PDE4B: variants seen among roughly 807,000 people sequenced by gnomAD.
The protein encoded by PDE4B is phosphodiesterase 4B, also known as 3',5'-cyclic-AMP phosphodiesterase 4B.
PDE4B carries 20 observed loss-of-function variants against 82.2 expected under a neutral mutation model. The ratio of observed to expected loss-of-function variants is 0.24; its 90% CI spans 0.17 to 0.35. PDE4B has a LOEUF of 0.35. Among genes scored for constraint, PDE4B ranks in the 10% least tolerant of loss-of-function variants. The probability of loss-of-function intolerance (pLI) is 1.00; values close to 1 mark genes in which losing one functional copy is unlikely to be tolerated. For synonymous variants in PDE4B, 320 were observed against 318.9 expected, an observed-to-expected ratio of 1.00 and a Z score of -0.04; for missense variants, 655 against 907.2, an observed-to-expected ratio of 0.72 and a Z score of 3.57.
chr1:65,923,468 C>T (rs1370941484), intron 3 of PDE4B, among the ~76,000 whole-genome samples: 1 of 152,038 alleles, frequency 6.6e-6, no homozygotes, highest in African/African-American at 2.4e-5. Flanking sequence ...TATATCTTAC[C>T]ACACAATACA....
intron 3 of PDE4B, among the ~76,000 whole-genome samples, chr1:66,141,989 C>T (rs896397130): frequency 6.6e-6 from 1 of 152,052 alleles, no homozygotes; most frequent in Non-Finnish European, 1.5e-5. Context: ...TCAGAAGCCT[C>T]GCAGGTAACA....
At chr1:66,015,482 G>A (rs1233643436) in intron 3 of PDE4B, among the ~76,000 whole-genome samples, 1 of 152,064 alleles carries the variant, frequency 6.6e-6, no homozygotes, top group Non-Finnish European at 1.5e-5. Flanking sequence ...TTTTATATTG[G>A]GTGTTTATGG....
At chr1:66,007,914 C>T (rs545497762) in intron 3 of PDE4B, among the ~76,000 whole-genome samples, 6 of 152,098 alleles carry the variant, frequency 3.9e-5, no homozygotes, top group Non-Finnish European at 8.8e-5. Context: ...AGATTTAGTA[C>T]ATGTGTTCTG....
intron 1 of PDE4B, among the ~76,000 whole-genome samples, chr1:65,865,328 G>A (rs971565891): frequency 6.6e-6 from 1 of 151,488 alleles, no homozygotes; most frequent in Non-Finnish European, 1.5e-5. Context: ...GTGGGAGTGG[G>A]ACCCGCTGAG....
At chr1:65,944,451 A>ATCAGTT (rs1648601428) in intron 3 of PDE4B, among the ~76,000 whole-genome samples, 1 of 151,918 alleles carries the variant, frequency 6.6e-6, no homozygotes, top group Admixed American at 6.6e-5. Context: ...TGGCTTTGGT[A>ATCAGTT]TCAGTTTAAT....
chr1:65,836,532 C>T (rs1050441632), intron 1 of PDE4B, among the ~76,000 whole-genome samples: 7 of 152,138 alleles, frequency 4.6e-5, no homozygotes, highest in African/African-American at 1.7e-4. Context: ...AGTGGCTGAA[C>T]CAGGTAAACA....
chr1:65,895,296 T>C (rs1423153792), intron 1 of PDE4B, among the ~76,000 whole-genome samples: 1 of 152,082 alleles, frequency 6.6e-6, no homozygotes, highest in African/African-American at 2.4e-5. Context: ...ACACCTGTAA[T>C]ACCAGCACTT....
intron 3 of PDE4B, among the ~76,000 whole-genome samples, chr1:65,973,633 G>T (rs565725670): frequency 6.6e-6 from 1 of 152,270 alleles, no homozygotes; most frequent in African/African-American, 2.4e-5. Flanking sequence ...AAGACTGCAG[G>T]AAGGTATTGT....
intron 7 of PDE4B, among the ~76,000 whole-genome samples, chr1:66,325,729 ACT>A (rs1315322557): frequency 2.0e-5 from 3 of 152,108 alleles, no homozygotes; most frequent in Non-Finnish European, 2.9e-5. Flanking sequence ...CCAAATCAAA[ACT>A]CTGTCAATGA....
At position 66,368,702 on chromosome 1, in the gene PDE4B, C is replaced by A. The variant is rs72928234; in HGVS notation, c.1663-85C>A. 8.3e-3 allele frequency: 8,536 copies of A among 1,033,344 alleles called. 454 individuals are homozygous for A. In the African/African-American group the frequency reaches 0.12, roughly 15 times the overall value. The allele number at this position is 1,033,344 out of a possible 1,614,324, so 64.0% of individuals were successfully genotyped here. On this transcript the variant is annotated intron_variant, in intron 15 of 16. Coordinates refer to ENST00000341517, the MANE Select transcript of PDE4B (RefSeq NM_002600.4). The stretch of plus-strand genomic sequence containing the variant: ...ACTAAAATGTTCTCGGGTTTAGTAC[C>A]AAGCGTACTAGTATGAGAGGCATGA...
chr1:66,219,175 T>C (rs993063233), intron 3 of PDE4B, among the ~76,000 whole-genome samples: 2 of 152,110 alleles, frequency 1.3e-5, no homozygotes, highest in African/African-American at 4.8e-5. Flanking sequence ...ATTTTTCTAA[T>C]ATGATTTCTC....
chr1:66,168,788 T>G (rs1298939506), intron 3 of PDE4B, among the ~76,000 whole-genome samples: 3 of 152,202 alleles, frequency 2.0e-5, no homozygotes, highest in Non-Finnish European at 4.4e-5. Flanking sequence ...GGAAGTCCAG[T>G]TAGAAACTGT....
chr1:66,147,270 T>G (rs1646294391), intron 3 of PDE4B, among the ~76,000 whole-genome samples: 1 of 152,216 alleles, frequency 6.6e-6, no homozygotes, highest in Non-Finnish European at 1.5e-5. Context: ...TTTCCTAAGT[T>G]AATTCTTAAT....
intron 5 of PDE4B, 42 bp downstream of exon 5, chr1:66,257,725 G>A (rs756223294): frequency 1.2e-6 from 2 of 1,610,302 alleles, no homozygotes; most frequent in East Asian, 4.5e-5. Flanking sequence ...ACTGTCGCTG[G>A]TTTCTAAGTC....
At chr1:66,148,832 G>GT (rs1418615663) in intron 3 of PDE4B, among the ~76,000 whole-genome samples, 1 of 152,130 alleles carries the variant, frequency 6.6e-6, no homozygotes, top group Non-Finnish European at 1.5e-5. Flanking sequence ...GCATGTACCT[G>GT]TACTTTATTC....
chr1:66,299,054 A>T (rs1657707586), intron 7 of PDE4B, among the ~76,000 whole-genome samples: 1 of 152,150 alleles, frequency 6.6e-6, no homozygotes, highest in Non-Finnish European at 1.5e-5. Flanking sequence ...ATCACCTTAA[A>T]CATTTATCAT....
intron 3 of PDE4B, among the ~76,000 whole-genome samples, chr1:66,146,205 A>G (rs1049407915): frequency 1.4e-5 from 1 of 73,992 alleles, no homozygotes; most frequent in Non-Finnish European, 2.6e-5. Context: ...TTTTTTTGAG[A>G]CGGAGTCTCA....
chr1:66,331,677 T>A lies in PDE4B; in HGVS notation c.635-831T>A, dbSNP rs548263681. 4.8e-4 allele frequency: 422 copies of A among 877,360 alleles called. 2 individuals carry two copies. In the African/African-American group the frequency reaches 7.1e-3, roughly 15 times the overall value. The allele number at this position is 877,360 out of a possible 1,614,324, so 54.3% of individuals were successfully genotyped here. A position where few individuals can be genotyped will look rare whatever the true frequency, so the allele number is the denominator to read the frequency against. On this transcript the variant is annotated intron_variant, in intron 7 of 16. Coordinates refer to ENST00000341517, the MANE Select transcript of PDE4B (RefSeq NM_002600.4). ...TAAAAATCTGCAGAGTGTTCACATC[T>A]GGCTCCACCTGAAAGTCCGGTTCAG...
intron 1 of PDE4B, among the ~76,000 whole-genome samples, chr1:65,824,285 C>A (rs1036314861): frequency 6.6e-6 from 1 of 152,054 alleles, no homozygotes; most frequent in Non-Finnish European, 1.5e-5. Flanking sequence ...CCATTGGCTT[C>A]ATTGTTTAAG....
Sources: gnomAD v4.1 joint callset for allele counts (sites outside exome capture counted in the v4.1 genomes callset) on GRCh38, gnomAD v4.1.1 for gene constraint, MANE v1.5 for transcripts, NCBI Gene and HGNC (gene_info 2026-07-23, HGNC 2026-07-21) for gene names.